SS18L2: variants seen among roughly 807,000 people sequenced by gnomAD.
The protein encoded by SS18L2 is SS18-like protein 2.
Under a neutral mutation model 10.3 loss-of-function variants are expected in SS18L2, and 8 were observed. The ratio of observed to expected loss-of-function variants is 0.78; its 90% CI spans 0.46 to 1.41. The LOEUF (loss-of-function observed/expected upper bound fraction) is 1.41. SS18L2 is among the 40% of genes most tolerant of loss of function. The probability of loss-of-function intolerance (pLI) is 0.00; values close to 1 mark genes in which losing one functional copy is unlikely to be tolerated. For synonymous variants in SS18L2, 41 were observed against 34.6 expected (o/e 1.19, Z -0.65); for missense variants, 100 against 96.2 (o/e 1.04, Z -0.17).
intron 1 of SS18L2, among the ~76,000 whole-genome samples, chr3:42,585,480 T>A (rs1040920429): frequency 1.3e-5 from 2 of 152,228 alleles, no homozygotes; most frequent in Admixed American, 1.3e-4. Context: ...GTCCTTCTGC[T>A]ATTCTCTGAA....
Position 42,590,980 on chromosome 3 carries a change from C to A in SS18L2, c.69+14C>A. ...ACTATCCAGCGGGTGAGCATCCACGCGGGCGGGCGGGCGGGCGGAGAGAAG... is the reference window on the plus strand; with the variant it reads ...ACTATCCAGCGGGTGAGCATCCACGAGGGCGGGCGGGCGGGCGGAGAGAAG... On this transcript the variant is annotated intron_variant, in intron 1 of 2. Coordinates refer to ENST00000011691, the MANE Select transcript of SS18L2 (RefSeq NM_001370300.1). 1 of 64,904 alleles carries A rather than the reference C, an allele frequency of 1.5e-5. No individual in the cohort carries two copies. Among genetic ancestry groups the A allele is most frequent in the East Asian group, 4.7e-4 (1 of 2,136 alleles). The allele number at this position is 64,904 out of a possible 1,614,324, so 4.0% of individuals were successfully genotyped here.
chr3:42,585,347 A>G (rs1704576055), intron 1 of SS18L2, among the ~76,000 whole-genome samples: 1 of 152,204 alleles, frequency 6.6e-6, no homozygotes, highest in African/African-American at 2.4e-5. Flanking sequence ...CTCCAGGTTC[A>G]CAGTCAACTC....
upstream of SS18L2, among the ~76,000 whole-genome samples, chr3:42,590,126 A>C (rs186065852): frequency 3.3e-5 from 5 of 152,222 alleles, no homozygotes; most frequent in African/African-American, 4.8e-5. Flanking sequence ...CCTGCCCCAA[A>C]TAAGTCCAGG....
chr3:42,593,101 A>G (rs888128970), intron 2 of SS18L2, among the ~76,000 whole-genome samples: 2 of 152,178 alleles, frequency 1.3e-5, no homozygotes, highest in Admixed American at 1.3e-4. Flanking sequence ...TAAGTAATCT[A>G]GAGATTATTT....
chr3:42,596,926 G>A lies in SS18L2; in HGVS notation c.*2417G>A, dbSNP rs1008336787. The stretch of plus-strand genomic sequence containing the variant: ...CCCAAATTAAATATTTCATTCCTGA[G>A]CTCTAAAACCTATTTACATTGAAGC... On this transcript the variant is annotated 3_prime_UTR_variant, in exon 3 of 3. Coordinates refer to ENST00000011691, the MANE Select transcript of SS18L2 (RefSeq NM_001370300.1). 1.3e-5 allele frequency among the ~76,000 whole-genome samples: 2 copies of A among 152,166 alleles called. No individual in the cohort carries two copies. The highest frequency in any genetic ancestry group is 2.9e-5 in the Non-Finnish European group (2 of 68,030).
At chr3:42,591,415 G>T in intron 1 of SS18L2, 110 bp from the exon 2 acceptor site, 1 of 790,046 alleles carries the variant, frequency 1.3e-6, no homozygotes, top group South Asian at 1.4e-5. Context: ...GGCTAGTCTC[G>T]AACTCCTGAC....
chr3:42,590,912 C>G lies in SS18L2; in HGVS notation c.15C>G (p.Phe5Leu), dbSNP rs1704801660. Residue 5 changes from phenylalanine (F) to leucine (L), a missense_variant, in exon 1 of 3, where the codon TTC becomes TTG. Physicochemically the swap from Phe to Leu is conservative, Grantham distance 22 (BLOSUM62 0). Coordinates refer to ENST00000011691, the MANE Select transcript of SS18L2 (RefSeq NM_001370300.1). MSVA[F>L]VPDWLRGKAE... Reference sequence around the variant, plus strand: ...GGTTCCTCGGGATGTCGGTGGCCTTCGTACCGGACTGGCTGAGGGGCAAGG... The same window carrying G: ...GGTTCCTCGGGATGTCGGTGGCCTTGGTACCGGACTGGCTGAGGGGCAAGG... 2 of 1,569,268 alleles carry G rather than the reference C, an allele frequency of 1.3e-6. No individual in the cohort carries two copies. The highest frequency in any genetic ancestry group is 1.7e-6 in the Non-Finnish European group (2 of 1,152,896).
chr3:42,590,826 A>T (rs924355113), upstream of SS18L2: 21 of 1,512,598 alleles, frequency 1.4e-5, no homozygotes, highest in African/African-American at 2.7e-4. Context: ...CATCCAATCA[A>T]CTTCGAGAGC....
intron 2 of SS18L2, among the ~76,000 whole-genome samples, chr3:42,593,939 A>AC (rs1203522194): frequency 6.6e-6 from 1 of 152,194 alleles, no homozygotes; most frequent in African/African-American, 2.4e-5. Flanking sequence ...GAAGGAGGCC[A>AC]CTGTGGCCAG....
Position 42,590,984 on chromosome 3 carries a change from C to T in SS18L2, c.69+18C>T. The T allele has an allele frequency of 5.7e-5, 4 of 70,520 alleles. No individual in the cohort carries two copies. Among genetic ancestry groups the T allele is most frequent in the Non-Finnish European group, 1.1e-4 (4 of 35,500 alleles). 4.4% of individuals were successfully genotyped at this position (70,520 alleles called of 1,614,324 possible). ...TCCAGCGGGTGAGCATCCACGCGGGCGGGCGGGCGGGCGGAGAGAAGTCGG... is the reference window on the plus strand; with the variant it reads ...TCCAGCGGGTGAGCATCCACGCGGGTGGGCGGGCGGGCGGAGAGAAGTCGG... On this transcript the variant is annotated intron_variant, in intron 1 of 2. Transcript: ENST00000011691.
chr3:42,589,964 T>A (rs563893505), upstream of SS18L2, among the ~76,000 whole-genome samples: 3 of 152,322 alleles, frequency 2.0e-5, no homozygotes, highest in East Asian at 5.8e-4. Context: ...AGTCCCGGGT[T>A]GTTAAGGGTG....
intron 2 of SS18L2, among the ~76,000 whole-genome samples, chr3:42,593,472 A>AAATACTATGCCATTT (rs1409707528): frequency 6.6e-6 from 1 of 152,154 alleles, no homozygotes; most frequent in Non-Finnish European, 1.5e-5. Context: ...GGTTATATAC[A>AAATACTATGCCATTT]AATACTATGC....
intron 2 of SS18L2, among the ~76,000 whole-genome samples, chr3:42,593,654 C>T (rs1704935884): frequency 6.6e-6 from 1 of 152,084 alleles, no homozygotes; most frequent in Admixed American, 6.5e-5. Flanking sequence ...ACCAGCTCTG[C>T]ACTCACAGAG....
chr3:42,594,633 C>G lies in SS18L2; in HGVS notation c.*124C>G. On this transcript the variant is annotated 3_prime_UTR_variant, in exon 3 of 3. Coordinates refer to ENST00000011691, the MANE Select transcript of SS18L2 (RefSeq NM_001370300.1). ...TCAACTGGTTAAAACATGAATGAAACCTCTGTGGCTCTTTCGAAACGTGAA... is the reference window on the plus strand; with the variant it reads ...TCAACTGGTTAAAACATGAATGAAAGCTCTGTGGCTCTTTCGAAACGTGAA... 1.4e-6 allele frequency: 1 copy of G among 736,222 alleles called. No individual in the cohort carries two copies. 45.6% of individuals were successfully genotyped at this position (736,222 alleles called of 1,614,324 possible). A position where few individuals can be genotyped will look rare whatever the true frequency, so the allele number is the denominator to read the frequency against.
In SS18L2 at chr3:42,596,011, GGTTTTGTTTT is replaced by G. The variant is rs538642403; in HGVS notation, c.*1513_*1522del. 5.3e-5 allele frequency among the ~76,000 whole-genome samples: 8 copies of G among 151,590 alleles called. No individual in the cohort carries two copies. The highest frequency in any genetic ancestry group is 5.3e-4 in the Admixed American group (8 of 15,190). ...CTTTTTTCTTTTTCTTCTTTTTTTT[GGTTTTGTTTT>G]GTTTTGTTTTTGTTTTTGTTTTTTT... On this transcript the variant is annotated 3_prime_UTR_variant, in exon 3 of 3. Transcript: ENST00000011691.
chr3:42,583,388 G>A (rs1008611595), intron 1 of SS18L2, among the ~76,000 whole-genome samples: 3 of 152,164 alleles, frequency 2.0e-5, no homozygotes, highest in Non-Finnish European at 2.9e-5. Context: ...GTGAAGGGGC[G>A]ATGAAGCAGC....
At chr3:42,587,165 C>A (rs1022200101), upstream of SS18L2, among the ~76,000 whole-genome samples, 1 of 152,170 alleles carries the variant, frequency 6.6e-6, no homozygotes, top group Non-Finnish European at 1.5e-5. Flanking sequence ...TAACTTTCAC[C>A]ATGTTACAGC....
upstream of SS18L2, among the ~76,000 whole-genome samples, chr3:42,589,341 A>C (rs1016407608): frequency 1.3e-5 from 2 of 152,198 alleles, no homozygotes; most frequent in Non-Finnish European, 1.5e-5. Flanking sequence ...TGTGGAGAGA[A>C]AGCCCAGTAA....
chr3:42,586,836 A>G (rs1267582941), upstream of SS18L2, among the ~76,000 whole-genome samples: 2 of 152,128 alleles, frequency 1.3e-5, no homozygotes, highest in African/African-American at 4.8e-5. Flanking sequence ...AAGCCTCAAC[A>G]TCGTTTGACA....
Sources: allele counts gnomAD v4.1 joint callset (sites outside exome capture counted in the v4.1 genomes callset), GRCh38; gene constraint gnomAD v4.1.1; transcripts MANE v1.5; gene names NCBI Gene and HGNC (gene_info 2026-07-23, HGNC 2026-07-21).